MOBP: variants seen among roughly 807,000 people sequenced by gnomAD.
MOBP encodes myelin-associated oligodendrocyte basic protein.
In MOBP, 5 loss-of-function variants were observed where a neutral mutation model predicts 15.0. The ratio of observed to expected loss-of-function variants is 0.33; its 90% CI spans 0.17 to 0.70. The LOEUF (loss-of-function observed/expected upper bound fraction) is 0.70. Ranked by LOEUF, MOBP falls within the 30% of genes least tolerant of loss-of-function variation. The pLI is 0.67. For synonymous variants in MOBP, 88 were observed against 99.0 expected (o/e 0.89, Z 0.66); for missense variants, 188 against 257.8 (o/e 0.73, Z 1.85).
downstream of MOBP, among the ~76,000 whole-genome samples, chr3:39,507,870 C>T (rs1251366944): frequency 1.3e-5 from 2 of 152,186 alleles, no homozygotes; most frequent in African/African-American, 4.8e-5. Flanking sequence ...TTTTTATCTC[C>T]ATCTATCAGA....
At chr3:39,503,064 T>C (rs1053335858), downstream of MOBP, 3 of 528,654 alleles carry the variant, frequency 5.7e-6, no homozygotes, top group African/African-American at 3.9e-5. Flanking sequence ...CTAGGTGCTA[T>C]TGGTGCATAC....
At position 39,479,273 on chromosome 3, in the gene MOBP, A is replaced by G. The variant is rs574163223; in HGVS notation, c.-88-767A>G. On this transcript the variant is annotated intron_variant, in intron 1 of 3. Transcript: ENST00000684792. The stretch of plus-strand genomic sequence containing the variant: ...AAAGATTTCTATAGTTCATTACACA[A>G]AGTTTTCAATTACATCCTTATTACT... Among the ~76,000 whole-genome samples, 5 of 152,306 alleles carry G rather than the reference A, an allele frequency of 3.3e-5. No homozygotes were observed. The South Asian group carries it at 1.0e-3, about 32-fold the overall frequency.
chr3:39,510,103 T>A (rs1024315605), intron 4 of MOBP, among the ~76,000 whole-genome samples: 28 of 152,158 alleles, frequency 1.8e-4, no homozygotes, highest in Non-Finnish European at 3.7e-4. Flanking sequence ...TCCACTGAAT[T>A]ACCTTTGCAA....
chr3:39,502,063 C>T lies in MOBP; in HGVS notation c.-4-3C>T. 1 of 1,613,470 alleles carries T rather than the reference C, an allele frequency of 6.2e-7. No individual in the cohort carries two copies. Among genetic ancestry groups the T allele is most frequent in the South Asian group, 1.1e-5 (1 of 91,030 alleles). On this transcript the variant is annotated splice_region_variant and splice_polypyrimidine_tract_variant and intron_variant, in intron 2 of 3. Coordinates refer to ENST00000684792, the MANE Select transcript of MOBP (RefSeq NM_001393704.1). This position sits in a 1 kb window ranked among gnomAD's most constrained non-coding sequence, Gnocchi z 6.3. ...CCTGTCTCCTTGCATCGGCGATTTC[C>T]AGTGAGATGAGTCAGAAACCGGCCA...
intron 2 of MOBP, among the ~76,000 whole-genome samples, chr3:39,494,034 G>T (rs981508806): frequency 5.9e-5 from 9 of 152,162 alleles, no homozygotes; most frequent in African/African-American, 2.2e-4. Context: ...ACCTTTCATT[G>T]ACTAGAATGT....
chr3:39,494,182 A>G (rs868582042), intron 2 of MOBP, among the ~76,000 whole-genome samples: 1 of 152,206 alleles, frequency 6.6e-6, no homozygotes, highest in African/African-American at 2.4e-5. Flanking sequence ...TTATTATTGT[A>G]TGATGTTGGG....
At chr3:39,493,672 G>A (rs2042833191) in intron 2 of MOBP, among the ~76,000 whole-genome samples, 1 of 152,184 alleles carries the variant, frequency 6.6e-6, no homozygotes, top group Non-Finnish European at 1.5e-5. Context: ...GAAACAGTAA[G>A]GGTAGCACTA....
downstream of MOBP, among the ~76,000 whole-genome samples, chr3:39,506,311 C>T (rs1559425793): frequency 6.6e-6 from 1 of 152,146 alleles, no homozygotes; most frequent in East Asian, 1.9e-4. Flanking sequence ...CTCTTCAATT[C>T]ATTGTGTTCT....
At chr3:39,482,607 G>A (rs1200550484) in intron 2 of MOBP, among the ~76,000 whole-genome samples, 3 of 144,610 alleles carry the variant, frequency 2.1e-5, no homozygotes, top group Admixed American at 7.1e-5. Context: ...AGCAGAGATC[G>A]CGCCACTGCA....
rs555948928 is a variant in MOBP, at chr3:39,510,332, A to G, written c.*-3051A>G. On this transcript the variant is annotated intron_variant, in intron 4 of 4. Coordinates refer to the MOBP transcript ENST00000311042. Reference sequence around the variant, plus strand: ...TATTCGAGTTTTTTTACTTTTCCATATAAATTTTCATTGTGTCAGATTCTA... The same window carrying G: ...TATTCGAGTTTTTTTACTTTTCCATGTAAATTTTCATTGTGTCAGATTCTA... Among the ~76,000 whole-genome samples, 22 of 152,254 alleles carry G rather than the reference A, an allele frequency of 1.4e-4. No homozygotes were observed. In the East Asian group the frequency reaches 3.3e-3, roughly 23 times the overall value.
intron 2 of MOBP, among the ~76,000 whole-genome samples, chr3:39,485,302 T>A (rs2042685711): frequency 1.3e-5 from 2 of 152,220 alleles, no homozygotes; most frequent in Admixed American, 1.3e-4. Context: ...ATTTTTGTGT[T>A]TTTGCTGCTG....
intron 1 of MOBP, among the ~76,000 whole-genome samples, chr3:39,469,240 G>GTA (rs1304134826): frequency 7.8e-6 from 1 of 128,004 alleles, no homozygotes; most frequent in East Asian, 2.1e-4. Context: ...ATATGTGTGT[G>GTA]TATATATACA....
chr3:39,485,959 T>C (rs1015029232), intron 2 of MOBP, among the ~76,000 whole-genome samples: 2 of 152,244 alleles, frequency 1.3e-5, no homozygotes, highest in African/African-American at 2.4e-5. Context: ...ATGTATAGTT[T>C]GTTTTTAATG....
chr3:39,504,308 A>T (rs2043020536), downstream of MOBP, among the ~76,000 whole-genome samples: 1 of 152,226 alleles, frequency 6.6e-6, no homozygotes, highest in Non-Finnish European at 1.5e-5. Context: ...GAAACAGAGG[A>T]AATTAATTGT....
Position 39,502,909 on chromosome 3 carries a change from C to A in MOBP, c.*29C>A. 2 of 1,030,346 alleles carry A rather than the reference C, an allele frequency of 1.9e-6. No homozygotes were observed. Among genetic ancestry groups the A allele is most frequent in the Non-Finnish European group, 2.8e-6 (2 of 723,550 alleles). 63.8% of individuals were successfully genotyped at this position (1,030,346 alleles called of 1,614,324 possible). ...CATCTCTTCCCTTTTGTTCCCCAGCCCTAAGGTTAGTAGTTGCTTCCTGTG... is the reference window on the plus strand; with the variant it reads ...CATCTCTTCCCTTTTGTTCCCCAGCACTAAGGTTAGTAGTTGCTTCCTGTG... On this transcript the variant is annotated 3_prime_UTR_variant, in exon 4 of 4. Coordinates refer to ENST00000684792, the MANE Select transcript of MOBP (RefSeq NM_001393704.1). The surrounding 1 kb of genome is among the most constrained non-coding windows in gnomAD (Gnocchi z 6.3).
intron 1 of MOBP, among the ~76,000 whole-genome samples, chr3:39,469,059 TA>T (rs2042411977): frequency 1.5e-5 from 1 of 68,204 alleles, no homozygotes; most frequent in Non-Finnish European, 2.6e-5. Flanking sequence ...TGTGTGTATA[TA>T]CATATATACA....
At chr3:39,500,075 C>T (rs1184763551) in intron 2 of MOBP, 4 of 456,100 alleles carry the variant, frequency 8.8e-6, no homozygotes, top group Admixed American at 7.1e-5. Flanking sequence ...AAGGTGAGCT[C>T]ATTGTGAGCA....
chr3:39,487,813 C>T (rs140801836), intron 2 of MOBP, among the ~76,000 whole-genome samples: 1,808 of 152,124 alleles, frequency 0.012, 31 homozygotes, highest in African/African-American at 0.041. Context: ...TGAGCCACCG[C>T]GCCCGGCCCC....
At chr3:39,485,660 C>G (rs2042693974) in intron 2 of MOBP, among the ~76,000 whole-genome samples, 1 of 152,194 alleles carries the variant, frequency 6.6e-6, no homozygotes. Context: ...TTCTGACAGC[C>G]TGGGGCTCAC....
Sources: gnomAD v4.1 joint callset for allele counts (sites outside exome capture counted in the v4.1 genomes callset) on GRCh38, gnomAD v4.1.1 for gene constraint, Gnocchi (gnomAD v3.1) non-coding constraint, MANE v1.5 for transcripts, NCBI Gene and HGNC (gene_info 2026-07-23, HGNC 2026-07-21) for gene names.